The following RAPGEF5 variants were observed in gnomAD, a reference collection of about 807,000 sequenced individuals.
RAPGEF5 encodes Rap guanine nucleotide exchange factor 5.
A neutral mutation model predicts 125.2 loss-of-function variants in RAPGEF5; 65 were observed. That is an observed-to-expected ratio of 0.52 (90% CI 0.43 to 0.64). The LOEUF is 0.64. Among genes scored for constraint, RAPGEF5 ranks in the 30% least tolerant of loss-of-function variants. The pLI is 0.00. For missense variants in RAPGEF5, 958 were observed against 1,048.1 expected (o/e 0.91, Z 1.19); for synonymous variants, 391 against 385.9 (o/e 1.01, Z -0.16).
chr7:22,266,949 T>C lies in RAPGEF5; in HGVS notation c.796+15A>G, dbSNP rs766041325. On this transcript the variant is annotated intron_variant, in intron 7 of 25. Transcript: ENST00000665637. ...GAATTAGAATCTTCCTCCAGCCCCA[T>C]AAAAGATGACTTACCAGACTTCCTT... 1.4e-5 allele frequency: 23 copies of C among 1,599,880 alleles called. No homozygotes were observed. The highest frequency in any genetic ancestry group is 2.0e-5 in the Non-Finnish European group (23 of 1,167,660).
At chr7:22,232,392 T>C (rs1224087737) in intron 7 of RAPGEF5, among the ~76,000 whole-genome samples, 1 of 151,690 alleles carries the variant, frequency 6.6e-6, no homozygotes, top group African/African-American at 2.4e-5. Context: ...CTTGGCTCAC[T>C]GCAACCTCCA....
rs1301918640 is a variant in RAPGEF5, at chr7:22,242,604, A to G, written c.797-11685T>C. ...GGGAATGAGCGATCCAAAAGTGGGG[A>G]CTGAAACCAGCCCCAGGAAGCAGCT... On this transcript the variant is annotated intron_variant, in intron 7 of 25. Transcript: ENST00000665637. Among the ~76,000 whole-genome samples the G allele has an allele frequency of 2.6e-5, 4 of 152,186 alleles. No individual in the cohort carries two copies. The East Asian group carries it at 7.7e-4, about 29-fold the overall frequency.
intron 16 of RAPGEF5, among the ~76,000 whole-genome samples, chr7:22,155,739 GA>G (rs1370334833): frequency 6.6e-6 from 1 of 152,214 alleles, no homozygotes; most frequent in Non-Finnish European, 1.5e-5. Context: ...TAGTGAGAGA[GA>G]AAAAGGCTTT....
At chr7:22,292,515 A>G (rs1782957907) in intron 5 of RAPGEF5, among the ~76,000 whole-genome samples, 1 of 152,248 alleles carries the variant, frequency 6.6e-6, no homozygotes, top group African/African-American at 2.4e-5. Context: ...ACTGAGCATT[A>G]TAACTTGGGA....
intron 6 of RAPGEF5, among the ~76,000 whole-genome samples, chr7:22,278,579 T>A (rs1170907252): frequency 2.0e-5 from 3 of 152,000 alleles, no homozygotes; most frequent in Non-Finnish European, 2.9e-5. Context: ...TGTAACATGA[T>A]GCTAATTATT....
At chr7:22,125,572 T>C (rs753065384) in intron 25 of RAPGEF5, 32 bp downstream of exon 25, 21 of 1,582,806 alleles carry the variant, frequency 1.3e-5, no homozygotes, top group Non-Finnish European at 1.6e-5. Context: ...GTAGAGTCAA[T>C]TTACATTCCG....
intron 1 of RAPGEF5, among the ~76,000 whole-genome samples, chr7:22,349,389 A>G (rs1490701542): frequency 6.9e-6 from 1 of 144,264 alleles, no homozygotes; most frequent in Non-Finnish European, 1.5e-5. Context: ...CCACCAATAC[A>G]TTCCAACCTG....
At chr7:22,251,585 A>T (rs1786621013) in intron 7 of RAPGEF5, among the ~76,000 whole-genome samples, 1 of 152,126 alleles carries the variant, frequency 6.6e-6, no homozygotes, top group Non-Finnish European at 1.5e-5. Context: ...TAGCTCAACA[A>T]ATGCAAAACC....
intron 7 of RAPGEF5, among the ~76,000 whole-genome samples, chr7:22,252,372 T>A (rs529184899): frequency 1.3e-5 from 2 of 152,188 alleles, no homozygotes; most frequent in Non-Finnish European, 2.9e-5. Flanking sequence ...TACTAAGTGT[T>A]ACACAGCTTG....
intron 1 of RAPGEF5, among the ~76,000 whole-genome samples, chr7:22,343,021 G>A (rs1051977266): frequency 1.2e-4 from 19 of 152,224 alleles, no homozygotes; most frequent in South Asian, 4.1e-4. Context: ...GTATTAGTCC[G>A]TTTTCATGCT....
chr7:22,251,551 C>T (rs1280245514), intron 7 of RAPGEF5, among the ~76,000 whole-genome samples: 1 of 152,094 alleles, frequency 6.6e-6, no homozygotes, highest in Non-Finnish European at 1.5e-5. Flanking sequence ...TAAGGACAGC[C>T]ATTAGTTGCC....
intron 1 of RAPGEF5, among the ~76,000 whole-genome samples, chr7:22,343,356 A>T (rs1261286853): frequency 6.6e-6 from 1 of 152,206 alleles, no homozygotes; most frequent in Middle Eastern, 3.2e-3. Context: ...ACCCAGAAAG[A>T]GAGGGAAAAA....
At chr7:22,191,517 AC>A (rs1784995889) in intron 11 of RAPGEF5, 1 of 469,078 alleles carries the variant, frequency 2.1e-6, no homozygotes, top group South Asian at 1.6e-5. Context: ...AGGTGAGGTG[AC>A]CCCAACCAAC....
In RAPGEF5 at chr7:22,266,984, G is replaced by C; in HGVS notation, c.776C>G (p.Ala259Gly). The change falls in exon 7 of 26, where the codon GCT becomes GGT. Residue 259 changes from alanine to glycine, a missense_variant. By Grantham distance (60) the Ala-to-Gly change is moderately conservative (BLOSUM62 0). Coordinates refer to ENST00000665637, the MANE Select transcript of RAPGEF5 (RefSeq NM_012294.5). The part of the protein sequence containing the change: ...AVQRELAAVI[A>G]LKARKSAIEQ... ...CTTACCAGACTTCCTTGCTTTCAAA[G>C]CAATAACAGCTGCTAGCTCTCTCTG... The C allele has an allele frequency of 6.2e-7, 1 of 1,610,844 alleles. No homozygotes were observed. Among genetic ancestry groups the C allele is most frequent in the South Asian group, 1.1e-5 (1 of 90,924 alleles).
chr7:22,261,340 G>C (rs1261300320), intron 7 of RAPGEF5, among the ~76,000 whole-genome samples: 1 of 151,890 alleles, frequency 6.6e-6, no homozygotes, highest in African/African-American at 2.4e-5. Context: ...ATAAAATTTA[G>C]GCTGGGTGCA....
chr7:22,336,478 T>C (rs1355050255), intron 1 of RAPGEF5, among the ~76,000 whole-genome samples: 3 of 152,192 alleles, frequency 2.0e-5, no homozygotes, highest in Admixed American at 2.0e-4. Context: ...AATAAAGAAG[T>C]TAATTATCAA....
chr7:22,333,152 C>T (rs1029130904), intron 1 of RAPGEF5, among the ~76,000 whole-genome samples: 2 of 152,066 alleles, frequency 1.3e-5, no homozygotes, highest in Admixed American at 6.5e-5. Flanking sequence ...GTTAAACTGT[C>T]ACGAAAAAAA....
In RAPGEF5 at chr7:22,246,194, A is replaced by G. The variant is rs80192086; in HGVS notation, c.797-15275T>C. Among the ~76,000 whole-genome samples, 1,519 of 152,310 alleles carry G rather than the reference A, an allele frequency of 1.0e-2. 28 individuals are homozygous for G. Among genetic ancestry groups the G allele is most frequent in the African/African-American group, 0.035 (1,442 of 41,578 alleles). On this transcript the variant is annotated intron_variant, in intron 7 of 25. Transcript: ENST00000665637. ...GCAGTGCCATTCCTATCAAGCTACC[A>G]TTGTCATTTTTCACAGAACTAGAAA...
chr7:22,286,170 CCCA>C (rs1782791744), intron 6 of RAPGEF5, among the ~76,000 whole-genome samples: 1 of 151,892 alleles, frequency 6.6e-6, no homozygotes, highest in South Asian at 2.1e-4. Flanking sequence ...TAAATTCCCC[CCCA>C]CCACCACCGG....
Sources: allele counts gnomAD v4.1 joint callset (sites outside exome capture counted in the v4.1 genomes callset), GRCh38; gene constraint gnomAD v4.1.1; transcripts MANE v1.5; gene names NCBI Gene and HGNC (gene_info 2026-07-23, HGNC 2026-07-21).